NCOR1: variants seen among roughly 807,000 people sequenced by gnomAD.
NCOR1 encodes the protein protein phosphatase 1, regulatory subunit 109.
Under a neutral mutation model 288.1 loss-of-function variants are expected in NCOR1, and 63 were observed. The observed-to-expected ratio is 0.22, with a 90% CI of 0.18 to 0.27. The LOEUF is 0.27. Among genes scored for constraint, NCOR1 ranks in the 10% least tolerant of loss-of-function variants. The pLI is 1.00. For synonymous variants in NCOR1, 1,007 were observed against 1,065.9 expected (o/e 0.94, Z 1.08); for missense variants, 2,397 against 3,019.2 (o/e 0.79, Z 4.83).
At chr17:16,145,917 G>A (rs1453318225) in intron 10 of NCOR1, among the ~76,000 whole-genome samples, 1 of 152,206 alleles carries the variant, frequency 6.6e-6, no homozygotes, top group Non-Finnish European at 1.5e-5. Flanking sequence ...GTGGAGGGAG[G>A]TGGACATGGG....
At chr17:16,158,448 T>C (rs2080179272) in intron 6 of NCOR1, among the ~76,000 whole-genome samples, 1 of 152,244 alleles carries the variant, frequency 6.6e-6, no homozygotes. Context: ...TTGTATTATA[T>C]GCTACCAAGC....
rs1409367832 is a variant in NCOR1, at chr17:16,143,526, AC to A, written c.1173+79del. The A allele has an allele frequency of 6.4e-6, 7 of 1,089,008 alleles. No homozygotes were observed. In the African/African-American group the frequency reaches 1.1e-4, roughly 17 times the overall value. The allele number at this position is 1,089,008 out of a possible 1,614,324, so 67.5% of individuals were successfully genotyped here. A position where few individuals can be genotyped will look rare whatever the true frequency, so the allele number is the denominator to read the frequency against. Reference sequence around the variant, plus strand: ...CTCAATTAAGTTCCCACATTTACATACAAAAAAACCCTTAGCTCCTACAGAG... The same window carrying A: ...CTCAATTAAGTTCCCACATTTACATAAAAAAAACCCTTAGCTCCTACAGAG... On this transcript the variant is annotated intron_variant, in intron 11 of 45. Transcript: ENST00000268712.
At chr17:16,134,802 A>G (rs1457058731) in intron 14 of NCOR1, among the ~76,000 whole-genome samples, 2 of 152,244 alleles carry the variant, frequency 1.3e-5, no homozygotes, top group African/African-American at 2.4e-5. Flanking sequence ...AAACAGTAAC[A>G]TATATAATTT....
At chr17:16,079,401 C>T (rs772374996) in intron 26 of NCOR1, among the ~76,000 whole-genome samples, 4 of 152,138 alleles carry the variant, frequency 2.6e-5, no homozygotes, top group Non-Finnish European at 4.4e-5. Flanking sequence ...TATGCATATA[C>T]ATAAAGAGGC....
intron 3 of NCOR1, among the ~76,000 whole-genome samples, chr17:16,186,196 C>A (rs1247891819): frequency 1.3e-5 from 2 of 152,064 alleles, no homozygotes; most frequent in Non-Finnish European, 2.9e-5. Context: ...GGAAAAACTT[C>A]GGCGATAAAA....
At chr17:16,127,830 C>A (rs530723916) in intron 14 of NCOR1, among the ~76,000 whole-genome samples, 1 of 151,582 alleles carries the variant, frequency 6.6e-6, no homozygotes, top group East Asian at 1.9e-4. Context: ...TGGAACATAT[C>A]CCCTGTGAAT....
intron 13 of NCOR1, 48 bp downstream of exon 13, chr17:16,138,110 A>G: frequency 6.7e-7 from 1 of 1,492,330 alleles, no homozygotes; most frequent in Non-Finnish European, 9.3e-7. Context: ...TTTCAAAGTA[A>G]CAACCATCAC....
intron 14 of NCOR1, among the ~76,000 whole-genome samples, chr17:16,129,851 A>C (rs1254866173): frequency 6.6e-6 from 1 of 152,210 alleles, no homozygotes; most frequent in Non-Finnish European, 1.5e-5. Flanking sequence ...TGCTAATCTT[A>C]TTTCCCCAAT....
intron 13 of NCOR1, 81 bp downstream of exon 13, chr17:16,138,077 T>G (rs1333044655): frequency 1.7e-6 from 2 of 1,144,818 alleles, no homozygotes; most frequent in Non-Finnish European, 2.6e-6. Flanking sequence ...AGTTAACTAC[T>G]TATATGTGTC....
chr17:16,124,264 T>G (rs987507701), intron 15 of NCOR1, among the ~76,000 whole-genome samples: 3 of 152,172 alleles, frequency 2.0e-5, no homozygotes, highest in Non-Finnish European at 4.4e-5. Flanking sequence ...TACTGATACA[T>G]TCAACAACCT....
intron 22 of NCOR1, 166 bp downstream of exon 22, chr17:16,091,697 A>G: frequency 1.4e-6 from 2 of 1,439,006 alleles, no homozygotes; most frequent in Non-Finnish European, 1.8e-6. Context: ...AATAATACTA[A>G]CATTTCTTCA....
chr17:16,104,016 A>G (rs2153017707), intron 19 of NCOR1, among the ~76,000 whole-genome samples: 1 of 152,226 alleles, frequency 6.6e-6, no homozygotes, highest in South Asian at 2.1e-4. Flanking sequence ...CCCCCCAAAA[A>G]AGCCTTCCAT....
intron 14 of NCOR1, among the ~76,000 whole-genome samples, chr17:16,135,230 G>A (rs984726530): frequency 4.6e-5 from 7 of 150,622 alleles, no homozygotes; most frequent in Admixed American, 2.6e-4. Flanking sequence ...ATGATCTCTA[G>A]CTAAAAGGGT....
intron 30 of NCOR1, among the ~76,000 whole-genome samples, 162 bp downstream of exon 30, chr17:16,071,247 C>T (rs941780584): frequency 6.6e-6 from 1 of 151,850 alleles, no homozygotes; most frequent in African/African-American, 2.4e-5. Flanking sequence ...ACACCGCACT[C>T]CAGCCTGGTC....
chr17:16,058,695 C>T (rs1186894619), intron 37 of NCOR1, 96 bp from the exon 38 acceptor site: 1 of 1,255,644 alleles, frequency 8.0e-7, no homozygotes, highest in African/African-American at 1.5e-5. Flanking sequence ...AATTCTGATC[C>T]ACCATGTTCA....
chr17:16,214,195 A>G (rs1287711236), intron 1 of NCOR1, among the ~76,000 whole-genome samples: 1 of 152,240 alleles, frequency 6.6e-6, no homozygotes, highest in Non-Finnish European at 1.5e-5. Context: ...AAGTTGGTTC[A>G]TCCAATAAAT....
intron 18 of NCOR1, among the ~76,000 whole-genome samples, chr17:16,111,938 C>T (rs1010788543): frequency 3.3e-5 from 5 of 152,280 alleles, no homozygotes; most frequent in Admixed American, 6.5e-5. Context: ...GGCGCCATCT[C>T]GGCTCACTGC....
chr17:16,153,505 T>TA (rs2079193727), intron 6 of NCOR1, 110 bp from the exon 7 acceptor site: 1 of 625,302 alleles, frequency 1.6e-6, no homozygotes. Context: ...GAACTTATCC[T>TA]TATTTCCAAA....
chr17:16,124,044 C>T (rs145253025), intron 15 of NCOR1, among the ~76,000 whole-genome samples: 3 of 152,072 alleles, frequency 2.0e-5, no homozygotes, highest in Non-Finnish European at 2.9e-5. Flanking sequence ...GGCTACATGG[C>T]CCAAAAAATG....
Sources: gnomAD v4.1 joint callset for allele counts (sites outside exome capture counted in the v4.1 genomes callset) on GRCh38, gnomAD v4.1.1 for gene constraint, MANE v1.5 for transcripts, NCBI Gene and HGNC (gene_info 2026-07-23, HGNC 2026-07-21) for gene names.